PPP3CA: variants seen among roughly 807,000 people sequenced by gnomAD.
The protein encoded by PPP3CA is CAM-PRP catalytic subunit.
In PPP3CA, 14 loss-of-function variants were observed where a neutral mutation model predicts 66.5. The observed-to-expected ratio is 0.21, with a 90% CI of 0.14 to 0.33. The LOEUF is 0.33. Ranked by LOEUF, PPP3CA falls within the 10% of genes least tolerant of loss-of-function variation. The pLI is 1.00. For missense variants in PPP3CA, 317 were observed against 639.5 expected (o/e 0.50, Z 5.44); for synonymous variants, 232 against 226.2 (o/e 1.03, Z -0.23).
intron 2 of PPP3CA, among the ~76,000 whole-genome samples, chr4:101,186,549 A>G (rs938836711): frequency 1.3e-5 from 2 of 152,136 alleles, no homozygotes; most frequent in South Asian, 4.1e-4. Context: ...TAGTTTTCTA[A>G]TATATAATAG....
intron 1 of PPP3CA, among the ~76,000 whole-genome samples, chr4:101,294,329 G>A (rs1436605185): frequency 6.6e-6 from 1 of 152,188 alleles, no homozygotes. Context: ...AAATAATTCT[G>A]AAGCACTGAT....
At chr4:101,292,228 T>C (rs940462424) in intron 1 of PPP3CA, among the ~76,000 whole-genome samples, 1 of 152,166 alleles carries the variant, frequency 6.6e-6, no homozygotes, top group Non-Finnish European at 1.5e-5. Context: ...CTAACATTTC[T>C]AGCATATTAT....
At chr4:101,037,899 C>T (rs1015509512) in intron 11 of PPP3CA, among the ~76,000 whole-genome samples, 5 of 152,202 alleles carry the variant, frequency 3.3e-5, no homozygotes, top group Non-Finnish European at 1.5e-5. Context: ...GAATTCATTA[C>T]TAGACTACTA....
chr4:101,110,785 G>C (rs1721643999), intron 2 of PPP3CA, among the ~76,000 whole-genome samples: 1 of 152,194 alleles, frequency 6.6e-6, no homozygotes, highest in Admixed American at 6.5e-5. Flanking sequence ...TCTAAACCAA[G>C]GGGGAATAAA....
intron 10 of PPP3CA, among the ~76,000 whole-genome samples, chr4:101,048,593 C>T (rs1727874814): frequency 7.5e-6 from 1 of 133,576 alleles, no homozygotes. Flanking sequence ...ACATTCAAGA[C>T]AACAAGTGAA....
rs572297506 is a variant in PPP3CA, at chr4:101,244,904, G to A, written c.59-48788C>T. ...GGCTCTGTAAGAAACGGCTTTAAAG[G>A]AGACTATTTAAAGTCATTTCAAAGC... On this transcript the variant is annotated intron_variant, in intron 1 of 13. Coordinates refer to ENST00000394854, the MANE Select transcript of PPP3CA (RefSeq NM_000944.5). Among the ~76,000 whole-genome samples the A allele has an allele frequency of 2.0e-5, 3 of 149,574 alleles. No homozygotes were observed. The South Asian group carries it at 6.8e-4, about 34-fold the overall frequency.
At chr4:101,209,228 G>T (rs1725230493) in intron 1 of PPP3CA, among the ~76,000 whole-genome samples, 1 of 152,126 alleles carries the variant, frequency 6.6e-6, no homozygotes, top group Admixed American at 6.5e-5. Context: ...AATTTTTTAT[G>T]ATTTGAGGAA....
intron 1 of PPP3CA, among the ~76,000 whole-genome samples, chr4:101,216,400 T>A (rs1725455040): frequency 6.6e-6 from 1 of 152,176 alleles, no homozygotes; most frequent in Non-Finnish European, 1.5e-5. Flanking sequence ...TTCCCAATCA[T>A]GGTGTTATGA....
At chr4:101,032,484 G>T in intron 11 of PPP3CA, 120 bp from the exon 12 acceptor site, 2 of 774,054 alleles carry the variant, frequency 2.6e-6, no homozygotes, top group East Asian at 2.7e-5. Context: ...TTGGCTCTCC[G>T]GATCTTTTTT....
intron 1 of PPP3CA, among the ~76,000 whole-genome samples, chr4:101,333,924 C>T (rs1308071059): frequency 6.6e-6 from 1 of 152,160 alleles, no homozygotes; most frequent in African/African-American, 2.4e-5. Flanking sequence ...AGATTGCCTA[C>T]ATTATGTTAG....
chr4:101,112,056 A>G (rs572915347), intron 2 of PPP3CA, among the ~76,000 whole-genome samples: 2 of 152,220 alleles, frequency 1.3e-5, no homozygotes, highest in South Asian at 4.1e-4. Flanking sequence ...AGATTCAAGG[A>G]TAATTGATTT....
At chr4:101,079,215 GC>G (rs1729326472) in intron 8 of PPP3CA, among the ~76,000 whole-genome samples, 1 of 152,154 alleles carries the variant, frequency 6.6e-6, no homozygotes, top group Non-Finnish European at 1.5e-5. Flanking sequence ...CCAGGCCTGG[GC>G]CAGGAAGACA....
intron 1 of PPP3CA, among the ~76,000 whole-genome samples, chr4:101,334,670 T>C (rs1330381705): frequency 6.6e-6 from 1 of 152,186 alleles, no homozygotes; most frequent in Non-Finnish European, 1.5e-5. Flanking sequence ...TGGTAGTCTC[T>C]GGAGATGTGT....
chr4:101,236,267 T>C (rs1031288787), intron 1 of PPP3CA, among the ~76,000 whole-genome samples: 1 of 143,398 alleles, frequency 7.0e-6, no homozygotes, highest in African/African-American at 2.5e-5. Flanking sequence ...TTGGTCAAGA[T>C]CTGAAGGATG....
Position 101,128,677 on chromosome 4 carries a change from C to T in PPP3CA, c.260-19599G>A, listed in dbSNP as rs187994828. ...ACTCCCTCCTCTAGCCAAGGGAAGC[C>T]TTGAGGAACTGTGCTGTGAGGGACA... On this transcript the variant is annotated intron_variant, in intron 2 of 13. Transcript: ENST00000394854. Among the ~76,000 whole-genome samples, 74 of 152,032 alleles carry T rather than the reference C, an allele frequency of 4.9e-4. 2 individuals carry two copies. The East Asian group carries it at 0.014, about 29-fold the overall frequency.
intron 1 of PPP3CA, among the ~76,000 whole-genome samples, chr4:101,242,576 G>T (rs1231477178): frequency 2.6e-5 from 4 of 152,010 alleles, no homozygotes; most frequent in Non-Finnish European, 4.4e-5. Context: ...CCCATATCCT[G>T]CATCATGGAT....
intron 3 of PPP3CA, among the ~76,000 whole-genome samples, chr4:101,104,417 G>T (rs1730569656): frequency 6.6e-6 from 1 of 151,876 alleles, no homozygotes; most frequent in Non-Finnish European, 1.5e-5. Context: ...TCATGCATGG[G>T]TGAATATAAT....
intron 1 of PPP3CA, among the ~76,000 whole-genome samples, chr4:101,296,058 A>G (rs1040726026): frequency 2.0e-5 from 3 of 152,210 alleles, no homozygotes; most frequent in African/African-American, 7.2e-5. Flanking sequence ...TCTTTCAAGC[A>G]AAATGTGTCA....
rs1730348185 is a variant in PPP3CA, at chr4:101,099,506, G to A, written c.496+105C>T. Reference sequence around the variant, plus strand: ...ATAATATGAAAGAGTGTCACTTTAAGTCTTTGACTTTAGGCAATAGATCAT... The same window carrying A: ...ATAATATGAAAGAGTGTCACTTTAAATCTTTGACTTTAGGCAATAGATCAT... On this transcript the variant is annotated intron_variant, in intron 4 of 13. Transcript: ENST00000394854. The A allele has an allele frequency of 5.1e-5, 28 of 545,574 alleles. No individual in the cohort carries two copies. In the South Asian group the frequency reaches 7.6e-4, roughly 15 times the overall value. 33.8% of individuals were successfully genotyped at this position (545,574 alleles called of 1,614,324 possible).
Sources: gnomAD v4.1 joint callset for allele counts (sites outside exome capture counted in the v4.1 genomes callset) on GRCh38, gnomAD v4.1.1 for gene constraint, MANE v1.5 for transcripts, NCBI Gene and HGNC (gene_info 2026-07-23, HGNC 2026-07-21) for gene names.